LRRC4C: variants seen among roughly 807,000 people sequenced by gnomAD.
LRRC4C encodes leucine-rich repeat-containing protein 4C.
LRRC4C carries 5 observed loss-of-function variants against 33.6 expected under a neutral mutation model. The ratio of observed to expected loss-of-function variants is 0.15; its 90% CI spans 0.08 to 0.31. LRRC4C has a LOEUF of 0.31. Ranked by LOEUF, LRRC4C falls within the 10% of genes least tolerant of loss-of-function variation. The probability of loss-of-function intolerance (pLI) is 1.00; values close to 1 mark genes in which losing one functional copy is unlikely to be tolerated. For synonymous variants in LRRC4C, 329 were observed against 302.0 expected (o/e 1.09, Z -0.93); for missense variants, 560 against 796.7 (o/e 0.70, Z 3.58).
chr11:40,763,824 C>A (rs542202075), intron 2 of LRRC4C, among the ~76,000 whole-genome samples: 1 of 152,300 alleles, frequency 6.6e-6, no homozygotes, highest in African/African-American at 2.4e-5. Flanking sequence ...TTCCAGCTAG[C>A]CCAACCACCA....
chr11:40,176,746 G>A (rs765310153), intron 5 of LRRC4C, among the ~76,000 whole-genome samples: 1 of 151,772 alleles, frequency 6.6e-6, no homozygotes, highest in Non-Finnish European at 1.5e-5. Flanking sequence ...TTGTTATATT[G>A]CCCAGGCTGG....
chr11:40,956,467 G>T (rs904937927), intron 1 of LRRC4C, among the ~76,000 whole-genome samples: 3 of 151,664 alleles, frequency 2.0e-5, no homozygotes, highest in African/African-American at 7.3e-5. Context: ...TACAAGATCT[G>T]CTATGTATTT....
At chr11:41,058,657 C>A (rs558731339) in intron 1 of LRRC4C, among the ~76,000 whole-genome samples, 1 of 152,282 alleles carries the variant, frequency 6.6e-6, no homozygotes, top group Non-Finnish European at 1.5e-5. Flanking sequence ...GGTGATTCCT[C>A]AAGGAAATTA....
chr11:41,028,570 GACACACACACAC>G (rs57827895), intron 1 of LRRC4C, among the ~76,000 whole-genome samples: 14 of 147,412 alleles, frequency 9.5e-5, no homozygotes, highest in African/African-American at 1.5e-4. Context: ...TAGTATTCAC[GACACACACACAC>G]ACACACACAC....
At chr11:41,280,065 A>G (rs557867147) in intron 1 of LRRC4C, among the ~76,000 whole-genome samples, 3 of 152,266 alleles carry the variant, frequency 2.0e-5, no homozygotes, top group South Asian at 2.1e-4. Context: ...TTTTAATTTA[A>G]TATATATCTC....
intron 5 of LRRC4C, among the ~76,000 whole-genome samples, chr11:40,146,435 T>G (rs1857735546): frequency 6.6e-6 from 1 of 152,154 alleles, no homozygotes; most frequent in African/African-American, 2.4e-5. Context: ...AGACAAGTTA[T>G]ACCCGCTGAG....
chr11:40,869,641 G>C (rs1372620807), intron 2 of LRRC4C, among the ~76,000 whole-genome samples: 1 of 152,054 alleles, frequency 6.6e-6, no homozygotes, highest in Non-Finnish European at 1.5e-5. Context: ...CGTGTTTACA[G>C]CGTCAGTAAA....
At chr11:40,515,972 C>A (rs1213556554) in intron 3 of LRRC4C, among the ~76,000 whole-genome samples, 1 of 151,628 alleles carries the variant, frequency 6.6e-6, no homozygotes, top group Non-Finnish European at 1.5e-5. Context: ...TAACTCAGAC[C>A]CTATTCATTC....
Position 41,305,326 on chromosome 11 carries a change from A to G in LRRC4C, c.-496+154105T>C, listed in dbSNP as rs1382004304. 3.9e-5 allele frequency among the ~76,000 whole-genome samples: 2 copies of G among 51,304 alleles called. 1 individual carries two copies. Among genetic ancestry groups the G allele is most frequent in the Non-Finnish European group, 1.1e-4 (2 of 18,054 alleles). The allele number at this position is 51,304 out of a possible 152,430, so 33.7% of individuals were successfully genotyped here. On this transcript the variant is annotated intron_variant, in intron 1 of 6. Coordinates refer to ENST00000528697, the MANE Select transcript of LRRC4C (RefSeq NM_001258419.2). ...GGCCAGCCGCCCCATCCGGGAGGTG[A>G]GGGGCGCCTCTGCCCGGCCGTCCCT...
intron 1 of LRRC4C, among the ~76,000 whole-genome samples, chr11:41,226,999 C>T (rs1217642278): frequency 1.3e-5 from 2 of 151,942 alleles, no homozygotes; most frequent in Non-Finnish European, 2.9e-5. Context: ...CCTCTGCTTG[C>T]ATCTTTCTGG....
intron 3 of LRRC4C, among the ~76,000 whole-genome samples, chr11:40,625,984 T>C (rs946605431): frequency 6.6e-6 from 1 of 152,188 alleles, no homozygotes; most frequent in Non-Finnish European, 1.5e-5. Context: ...GTGTCTGTCC[T>C]CTGCTCAAAA....
intron 4 of LRRC4C, among the ~76,000 whole-genome samples, chr11:40,260,994 TC>T (rs1404431813): frequency 6.6e-6 from 1 of 152,126 alleles, no homozygotes; most frequent in Non-Finnish European, 1.5e-5. Flanking sequence ...AATATTCCTG[TC>T]TCAGCTTCCC....
chr11:41,050,847 C>T (rs746705240), intron 1 of LRRC4C, among the ~76,000 whole-genome samples: 1 of 152,142 alleles, frequency 6.6e-6, no homozygotes, highest in Non-Finnish European at 1.5e-5. Flanking sequence ...GCCACACTGT[C>T]TTCTACAAGT....
intron 1 of LRRC4C, among the ~76,000 whole-genome samples, chr11:40,951,674 T>C (rs937310375): frequency 6.6e-6 from 1 of 151,930 alleles, no homozygotes; most frequent in Admixed American, 6.6e-5. Context: ...CATAAGGGAA[T>C]CCTCTATTAA....
intron 4 of LRRC4C, among the ~76,000 whole-genome samples, chr11:40,315,000 C>T (rs1250332410): frequency 6.6e-6 from 1 of 151,844 alleles, no homozygotes; most frequent in Non-Finnish European, 1.5e-5. Flanking sequence ...TATCGGACAA[C>T]TGTAGTTAAC....
At chr11:41,153,534 A>G (rs1304433083) in intron 1 of LRRC4C, among the ~76,000 whole-genome samples, 1 of 152,194 alleles carries the variant, frequency 6.6e-6, no homozygotes, top group Non-Finnish European at 1.5e-5. Context: ...GAATAAATAT[A>G]GAATACATTT....
chr11:40,607,993 G>C (rs772248810), intron 3 of LRRC4C, among the ~76,000 whole-genome samples: 6 of 152,086 alleles, frequency 3.9e-5, no homozygotes, highest in Admixed American at 1.3e-4. Context: ...CTGCGAGGGG[G>C]ATAAGGGAAA....
intron 1 of LRRC4C, among the ~76,000 whole-genome samples, chr11:41,253,043 T>C (rs576595556): frequency 4.6e-5 from 7 of 152,240 alleles, no homozygotes; most frequent in Admixed American, 2.6e-4. Context: ...AAATGTTATT[T>C]TGAGTAAGAG....
At chr11:40,295,766 T>C (rs908818339) in intron 4 of LRRC4C, among the ~76,000 whole-genome samples, 1 of 152,230 alleles carries the variant, frequency 6.6e-6, no homozygotes, top group Non-Finnish European at 1.5e-5. Flanking sequence ...ATGAATTACA[T>C]GAAAATGTGA....
Sources: gnomAD v4.1 joint callset for allele counts (sites outside exome capture counted in the v4.1 genomes callset) on GRCh38, gnomAD v4.1.1 for gene constraint, MANE v1.5 for transcripts, NCBI Gene and HGNC (gene_info 2026-07-23, HGNC 2026-07-21) for gene names.